TTC7B: variants seen among roughly 807,000 people sequenced by gnomAD.
TTC7B encodes the protein tetratricopeptide repeat domain 7B.
A neutral mutation model predicts 106.8 loss-of-function variants in TTC7B; 28 were observed. The ratio of observed to expected loss-of-function variants is 0.26; its 90% CI spans 0.19 to 0.36. The LOEUF (loss-of-function observed/expected upper bound fraction) is 0.36, where lower values mean the gene tolerates loss of function less well. Ranked by LOEUF, TTC7B falls within the 10% of genes least tolerant of loss-of-function variation. The pLI is 1.00. For missense variants in TTC7B, 862 were observed against 1,076.4 expected (o/e 0.80, Z 2.79); for synonymous variants, 405 against 430.6 (o/e 0.94, Z 0.74).
At chr14:90,622,972 A>G (rs1175808782) in intron 15 of TTC7B, among the ~76,000 whole-genome samples, 1 of 151,822 alleles carries the variant, frequency 6.6e-6, no homozygotes, top group Non-Finnish European at 1.5e-5. Flanking sequence ...AGCTTCCCCC[A>G]TGTGTCACTC....
Position 90,742,596 on chromosome 14 carries a change from G to A in TTC7B, c.576+2196C>T, listed in dbSNP as rs115911384. ...CACTAAGCTAGGTGTCGTGTGAGTG[G>A]AGTTCTAAAACTAGTTTTGGCCTAA... is the stretch of plus-strand genomic sequence containing the variant. On this transcript the variant is annotated intron_variant, in intron 4 of 19. Transcript: ENST00000328459. This position sits in a 1 kb window ranked among gnomAD's most constrained non-coding sequence, Gnocchi z 4.1. 1.7e-3 allele frequency among the ~76,000 whole-genome samples: 257 copies of A among 152,324 alleles called. 1 individual carries two copies. Among genetic ancestry groups the A allele is most frequent in the African/African-American group, 6.1e-3 (255 of 41,576 alleles).
chr14:90,525,490 C>A lies in TTC7B; in HGVS notation c.*15878G>T, dbSNP rs998805364. The A allele has an allele frequency of 6.9e-6, 1 of 144,470 alleles. No homozygotes were observed. Among genetic ancestry groups the A allele is most frequent in the Non-Finnish European group, 1.5e-5 (1 of 65,174 alleles). The allele number at this position is 144,470 out of a possible 1,614,324, so 8.9% of individuals were successfully genotyped here. Reference sequence around the variant, plus strand: ...CTGAGGCCTCGGACCGCACCGCTTTCGCCCTGCGGCCCGGCTCGGTAGCCT... The same window carrying A: ...CTGAGGCCTCGGACCGCACCGCTTTAGCCCTGCGGCCCGGCTCGGTAGCCT... On this transcript the variant is annotated 3_prime_UTR_variant, in exon 20 of 20. Transcript: ENST00000328459.
intron 19 of TTC7B, among the ~76,000 whole-genome samples, chr14:90,545,574 TG>T (rs987172176): frequency 6.6e-6 from 1 of 152,172 alleles, no homozygotes; most frequent in Non-Finnish European, 1.5e-5. Context: ...AGAAAGTGGA[TG>T]GGTGAGATGT....
intron 16 of TTC7B, 27 bp downstream of exon 16, chr14:90,617,902 G>A (rs199635635): frequency 4.2e-5 from 66 of 1,585,234 alleles, no homozygotes; most frequent in East Asian, 1.3e-4. Context: ...CAAAAGCCAC[G>A]CAAAGCAGGC....
intron 9 of TTC7B, among the ~76,000 whole-genome samples, chr14:90,665,395 C>T (rs1388147442): frequency 6.6e-6 from 1 of 152,236 alleles, no homozygotes; most frequent in African/African-American, 2.4e-5. Context: ...TTATGCCTTT[C>T]CAGTCTCTTT....
Position 90,730,095 on chromosome 14 carries a change from A to T in TTC7B, c.678T>A (p.His226Gln). ...FFLETGLQRA[H>Q]VLYFKNGNLT... ...CTTACCCATTTTTGAAATAGAGGAC[A>T]TGGGCTCTCTGAAGTCCTGTTTCTA... is the stretch of plus-strand genomic sequence containing the variant. The change falls in exon 5 of 20, where the codon CAT becomes CAA. Residue 226 changes from histidine to glutamine, a missense_variant. Transcript: ENST00000328459. The T allele has an allele frequency of 6.2e-7, 1 of 1,612,990 alleles. No individual in the cohort carries two copies. The highest frequency in any genetic ancestry group is 8.5e-7 in the Non-Finnish European group (1 of 1,179,678).
intron 17 of TTC7B, among the ~76,000 whole-genome samples, chr14:90,607,435 G>T (rs1172465969): frequency 6.6e-6 from 1 of 152,222 alleles, no homozygotes; most frequent in Non-Finnish European, 1.5e-5. Context: ...CGGGCATGAC[G>T]CTGATAAGCT....
chr14:90,658,367 C>T lies in TTC7B; in HGVS notation c.1173G>A (p.Lys391=). The T allele has an allele frequency of 1.4e-5, 22 of 1,614,154 alleles. No homozygotes were observed. The highest frequency in any genetic ancestry group is 2.2e-5 in the East Asian group (1 of 44,892). The change falls in exon 10 of 20, where the codon AAG becomes AAA. Residue 391 remains lysine, a synonymous_variant. Transcript: ENST00000328459. ...ACAGGTGGAATTCCTCAAAGGCAAACTTCATGGCTCTTTCTAGGCACTGGT... is the reference window on the plus strand; with the variant it reads ...ACAGGTGGAATTCCTCAAAGGCAAATTTCATGGCTCTTTCTAGGCACTGGT... ...MLSECLERAM[K]FAFEEFHLWY...
Position 90,642,030 on chromosome 14 carries a change from G to C in TTC7B, c.1751+2018C>G, listed in dbSNP as rs77516977. Among the ~76,000 whole-genome samples, 435 of 152,088 alleles carry C rather than the reference G, an allele frequency of 2.9e-3. 1 individual carries two copies. Among genetic ancestry groups the C allele is most frequent in the African/African-American group, 1.0e-2 (413 of 41,458 alleles). ...GAGACACTGAATTCAATTGCATCAG[G>C]TTGTACTTTACCGATGGTTAAAGGA... On this transcript the variant is annotated intron_variant, in intron 15 of 19. Coordinates refer to ENST00000328459, the MANE Select transcript of TTC7B (RefSeq NM_001010854.2).
intron 1 of TTC7B, among the ~76,000 whole-genome samples, chr14:90,811,255 C>T (rs1053056154): frequency 2.0e-5 from 3 of 152,216 alleles, no homozygotes; most frequent in African/African-American, 7.2e-5. Context: ...GGAAGACTGG[C>T]CCAGAAAGGC....
chr14:90,718,245 C>T (rs1333889632), intron 5 of TTC7B, among the ~76,000 whole-genome samples: 1 of 152,222 alleles, frequency 6.6e-6, no homozygotes, highest in Non-Finnish European at 1.5e-5. Flanking sequence ...GCTGCGGGAA[C>T]TCTGGAATCC....
At chr14:90,733,004 T>A (rs183925948) in intron 4 of TTC7B, among the ~76,000 whole-genome samples, 1 of 152,352 alleles carries the variant, frequency 6.6e-6, no homozygotes, top group East Asian at 1.9e-4. Context: ...GATTTCTGGC[T>A]GTCTCTCTCC....
At chr14:90,548,027 C>T (rs1889910176) in intron 19 of TTC7B, among the ~76,000 whole-genome samples, 1 of 152,162 alleles carries the variant, frequency 6.6e-6, no homozygotes, top group Non-Finnish European at 1.5e-5. Context: ...ATTGCTTTTC[C>T]CCAGGCATAA....
chr14:90,744,971 G>A, intron 3 of TTC7B, 49 bp from the exon 4 acceptor site: 1 of 1,599,824 alleles, frequency 6.3e-7, no homozygotes, highest in Non-Finnish European at 8.5e-7. Flanking sequence ...TTTTCATAAG[G>A]CTTCATTTTT....
intron 5 of TTC7B, among the ~76,000 whole-genome samples, chr14:90,728,020 A>G (rs969914676): frequency 2.0e-5 from 3 of 152,192 alleles, no homozygotes; most frequent in African/African-American, 7.2e-5. Flanking sequence ...TGGGTCAAGC[A>G]GCCCTGACAG....
At chr14:90,801,511 G>A (rs940526890) in intron 1 of TTC7B, among the ~76,000 whole-genome samples, 3 of 152,156 alleles carry the variant, frequency 2.0e-5, no homozygotes, top group African/African-American at 7.2e-5. Context: ...CCCTCGATTT[G>A]AGATAGCACA....
chr14:90,814,286 AC>A (rs1489270537), intron 1 of TTC7B, among the ~76,000 whole-genome samples: 1 of 151,862 alleles, frequency 6.6e-6, no homozygotes, highest in Non-Finnish European at 1.5e-5. Flanking sequence ...AAACCCATCT[AC>A]CCTCTCATTC....
In TTC7B at chr14:90,816,224, C is replaced by T. The variant is rs748224901; in HGVS notation, c.72G>A (p.Glu24=). 3.9e-6 allele frequency: 5 copies of T among 1,274,584 alleles called. No individual in the cohort carries two copies. Among genetic ancestry groups the T allele is most frequent in the Non-Finnish European group, 5.1e-6 (5 of 978,428 alleles). 79.0% of individuals were successfully genotyped at this position (1,274,584 alleles called of 1,614,324 possible). Residue 24 remains glutamate, a synonymous_variant, in exon 1 of 20, where the codon GAG becomes GAA. Transcript: ENST00000328459. ...GCTGCTTGACGAGCTCAGGGATCCGCTCCCACTGGCACTCGGAGCGGCAGC... is the reference window on the plus strand; with the variant it reads ...GCTGCTTGACGAGCTCAGGGATCCGTTCCCACTGGCACTCGGAGCGGCAGC... ...IERCRSECQW[E]RIPELVKQLS...
intron 1 of TTC7B, among the ~76,000 whole-genome samples, chr14:90,797,675 C>T (rs1223140019): frequency 1.3e-5 from 2 of 152,088 alleles, no homozygotes; most frequent in African/African-American, 4.8e-5. Flanking sequence ...AAGCAACTGA[C>T]ATACTCCCAT....
Sources: allele counts gnomAD v4.1 joint callset (sites outside exome capture counted in the v4.1 genomes callset), GRCh38; gene constraint gnomAD v4.1.1; non-coding constraint Gnocchi (gnomAD v3.1); transcripts MANE v1.5; gene names NCBI Gene and HGNC (gene_info 2026-07-23, HGNC 2026-07-21).